ASIC2: variants seen among roughly 807,000 people sequenced by gnomAD.
The protein encoded by ASIC2 is acid-sensing ion channel 2.
A neutral mutation model predicts 57.3 loss-of-function variants in ASIC2; 25 were observed. That is an observed-to-expected ratio of 0.44 (90% CI 0.32 to 0.61). The LOEUF is 0.61. Among genes scored for constraint, ASIC2 ranks in the 20% least tolerant of loss-of-function variants. ASIC2 has a pLI of 0.06. For synonymous variants in ASIC2, 319 were observed against 307.5 expected, an observed-to-expected ratio of 1.04 and a Z score of -0.39; for missense variants, 641 against 738.1, an observed-to-expected ratio of 0.87 and a Z score of 1.52.
chr17:33,547,263 T>G (rs1467044582), intron 1 of ASIC2, among the ~76,000 whole-genome samples: 6 of 127,006 alleles, frequency 4.7e-5, no homozygotes, highest in African/African-American at 2.3e-4. Flanking sequence ...GCAGAGGGGG[T>G]GGGTCGGTCA....
intron 1 of ASIC2, among the ~76,000 whole-genome samples, chr17:33,823,832 C>G (rs1912824039): frequency 6.6e-6 from 1 of 152,138 alleles, no homozygotes; most frequent in Non-Finnish European, 1.5e-5. Context: ...ATCCCATGCC[C>G]ATGTTTTGGT....
intron 1 of ASIC2, among the ~76,000 whole-genome samples, chr17:34,083,555 G>A (rs940775362): frequency 2.0e-5 from 3 of 152,004 alleles, no homozygotes; most frequent in Admixed American, 6.6e-5. Flanking sequence ...GGATGGCTGG[G>A]TCAAATGGTA....
intron 1 of ASIC2, among the ~76,000 whole-genome samples, chr17:33,199,993 C>G (rs747070559): frequency 2.6e-5 from 4 of 152,118 alleles, no homozygotes; most frequent in African/African-American, 7.2e-5. Context: ...ACTTACCATT[C>G]CAGTCCCATG....
At chr17:33,896,130 T>A (rs1217372781) in intron 1 of ASIC2, among the ~76,000 whole-genome samples, 1 of 152,232 alleles carries the variant, frequency 6.6e-6, no homozygotes, top group Non-Finnish European at 1.5e-5. Flanking sequence ...GGCAAAGATA[T>A]GTTAATAATT....
chr17:33,336,716 T>A (rs1907528273), intron 1 of ASIC2, among the ~76,000 whole-genome samples: 1 of 152,156 alleles, frequency 6.6e-6, no homozygotes, highest in African/African-American at 2.4e-5. Context: ...TGTCAGAAAG[T>A]TGAACACTTT....
intron 1 of ASIC2, chr17:34,039,096 G>C: frequency 6.2e-7 from 1 of 1,614,046 alleles, no homozygotes; most frequent in South Asian, 1.1e-5. Flanking sequence ...ATCGTTCCTT[G>C]TATTTCTCTA....
intron 1 of ASIC2, among the ~76,000 whole-genome samples, chr17:33,958,846 G>A (rs1047720741): frequency 1.3e-5 from 2 of 152,106 alleles, no homozygotes; most frequent in African/African-American, 4.8e-5. Flanking sequence ...TCTACTGCAT[G>A]GTCAGGCTGC....
chr17:33,377,485 T>C (rs977922206), intron 1 of ASIC2, among the ~76,000 whole-genome samples: 2 of 152,254 alleles, frequency 1.3e-5, no homozygotes, highest in African/African-American at 4.8e-5. Flanking sequence ...ATTGCCAATC[T>C]TTTATGTCCA....
chr17:33,257,086 G>T (rs558942719), intron 1 of ASIC2, among the ~76,000 whole-genome samples: 1 of 152,310 alleles, frequency 6.6e-6, no homozygotes, highest in East Asian at 1.9e-4. Flanking sequence ...AGAGTGCTCT[G>T]AAATTTGTGT....
intron 1 of ASIC2, among the ~76,000 whole-genome samples, chr17:33,967,841 A>G (rs1465019196): frequency 4.6e-5 from 7 of 152,166 alleles, no homozygotes; most frequent in African/African-American, 1.7e-4. Flanking sequence ...GTGTAGTTGC[A>G]CAGGGCCCTG....
chr17:33,866,677 C>T (rs865793758), intron 1 of ASIC2, among the ~76,000 whole-genome samples: 1 of 152,070 alleles, frequency 6.6e-6, no homozygotes, highest in Non-Finnish European at 1.5e-5. Context: ...CTCCAGGTAC[C>T]AATCGTCCCA....
intron 1 of ASIC2, among the ~76,000 whole-genome samples, chr17:33,314,150 T>C (rs1474726196): frequency 6.6e-6 from 1 of 152,160 alleles, no homozygotes; most frequent in South Asian, 2.1e-4. Flanking sequence ...TGTCAGGACC[T>C]TGGGCCAAGC....
chr17:33,280,287 T>C (rs758422391), intron 1 of ASIC2, among the ~76,000 whole-genome samples: 6 of 152,186 alleles, frequency 3.9e-5, no homozygotes, highest in East Asian at 1.9e-4. Flanking sequence ...GTTAAAATAT[T>C]TGATGCTCAT....
At chr17:33,631,859 A>T (rs1000508816) in intron 1 of ASIC2, among the ~76,000 whole-genome samples, 5 of 152,156 alleles carry the variant, frequency 3.3e-5, no homozygotes, top group Non-Finnish European at 5.9e-5. Flanking sequence ...CCATTTTCAA[A>T]TATTTGATAA....
intron 1 of ASIC2, among the ~76,000 whole-genome samples, chr17:33,391,667 A>G (rs565350504): frequency 2.2e-4 from 33 of 152,074 alleles, no homozygotes; most frequent in African/African-American, 7.7e-4. Flanking sequence ...CTTGAGTTGC[A>G]CTCAATTCCC....
chr17:33,768,781 C>T (rs1231730896), intron 1 of ASIC2, among the ~76,000 whole-genome samples: 2 of 152,146 alleles, frequency 1.3e-5, no homozygotes, highest in Non-Finnish European at 2.9e-5. Flanking sequence ...CTTCCCCCAT[C>T]CAGTCCCTAT....
chr17:33,747,573 T>C (rs1018407187), intron 1 of ASIC2, among the ~76,000 whole-genome samples: 3 of 152,202 alleles, frequency 2.0e-5, no homozygotes, highest in Admixed American at 2.0e-4. Context: ...TATGCTTTGC[T>C]TCTTTTACCT....
At chr17:33,768,751 A>G (rs1237779841) in intron 1 of ASIC2, among the ~76,000 whole-genome samples, 1 of 152,086 alleles carries the variant, frequency 6.6e-6, no homozygotes. Context: ...TGCCTTTTCC[A>G]ATACTGCCTA....
intron 1 of ASIC2, among the ~76,000 whole-genome samples, chr17:33,838,432 T>A (rs377343057): frequency 1.3e-5 from 2 of 152,164 alleles, no homozygotes; most frequent in African/African-American, 4.8e-5. Flanking sequence ...GTTTTCCTAG[T>A]CATTCAGTAC....
Sources: allele counts gnomAD v4.1 joint callset (sites outside exome capture counted in the v4.1 genomes callset), GRCh38; gene constraint gnomAD v4.1.1; transcripts MANE v1.5; gene names NCBI Gene and HGNC (gene_info 2026-07-23, HGNC 2026-07-21).